Variants in SH3BP4 observed in about 807,000 individuals in gnomAD.
SH3BP4 encodes the protein SH3 domain-binding protein 4.
In SH3BP4, 33 loss-of-function variants were observed where a neutral mutation model predicts 65.5. That is an observed-to-expected ratio of 0.50 (90% CI 0.38 to 0.67). The LOEUF (loss-of-function observed/expected upper bound fraction) is 0.67, where lower values mean the gene tolerates loss of function less well. SH3BP4 is among the 30% of genes least tolerant of loss of function. The pLI, the probability that SH3BP4 is intolerant of heterozygous loss-of-function variation, is 0.00. For missense variants in SH3BP4, 1,134 were observed against 1,261.4 expected, an observed-to-expected ratio of 0.90 and a Z score of 1.53; for synonymous variants, 552 against 545.5, an observed-to-expected ratio of 1.01 and a Z score of -0.17.
chr2:235,049,098 T>C (rs769707983), intron 4 of SH3BP4, among the ~76,000 whole-genome samples: 3 of 152,146 alleles, frequency 2.0e-5, no homozygotes, highest in Non-Finnish European at 4.4e-5. Flanking sequence ...TCAGTAAAAG[T>C]TGTGTAAGTG....
intron 2 of SH3BP4, among the ~76,000 whole-genome samples, chr2:235,014,703 A>G (rs1450708390): frequency 6.6e-6 from 1 of 151,396 alleles, no homozygotes; most frequent in Non-Finnish European, 1.5e-5. Context: ...TCTTCACATC[A>G]CCTTTCCTTG....
chr2:234,984,191 A>G (rs762257826), intron 1 of SH3BP4, among the ~76,000 whole-genome samples: 1 of 150,866 alleles, frequency 6.6e-6, no homozygotes, highest in Admixed American at 6.6e-5. Flanking sequence ...ATACACGTGT[A>G]TGAGTTTTCG....
chr2:235,022,853 C>T (rs1694885896), intron 2 of SH3BP4, among the ~76,000 whole-genome samples: 1 of 152,124 alleles, frequency 6.6e-6, no homozygotes, highest in Non-Finnish European at 1.5e-5. Context: ...AAAAATGTGG[C>T]AGTCTTGCTG....
At chr2:235,009,715 C>T (rs947377434) in intron 2 of SH3BP4, among the ~76,000 whole-genome samples, 2 of 152,130 alleles carry the variant, frequency 1.3e-5, no homozygotes, top group Non-Finnish European at 2.9e-5. Context: ...TATTCCAGAT[C>T]TAATCAAGAT....
In SH3BP4 at chr2:234,974,939, T is replaced by C. The variant is rs1208043375; in HGVS notation, c.-206-20364T>C. Among the ~76,000 whole-genome samples, 1 of 152,120 alleles carries C rather than the reference T, an allele frequency of 6.6e-6. No individual in the cohort carries two copies. The highest frequency in any genetic ancestry group is 2.4e-5 in the African/African-American group (1 of 41,424). ...ATGGGGATCATAATAAAACTTAGCCTGATTAGAGGCATGTGGGAAGCATGC... is the reference window on the plus strand; with the variant it reads ...ATGGGGATCATAATAAAACTTAGCCCGATTAGAGGCATGTGGGAAGCATGC... On this transcript the variant is annotated intron_variant, in intron 1 of 5. Coordinates refer to ENST00000392011, the MANE Select transcript of SH3BP4 (RefSeq NM_014521.3). The surrounding 1 kb of genome is among the most constrained non-coding windows in gnomAD (Gnocchi z 4.6).
intron 1 of SH3BP4, among the ~76,000 whole-genome samples, chr2:234,985,616 G>C (rs184681109): frequency 2.0e-5 from 3 of 152,150 alleles, no homozygotes; most frequent in African/African-American, 7.2e-5. Flanking sequence ...GACCCTCTGC[G>C]CACAGATATT....
intron 1 of SH3BP4, among the ~76,000 whole-genome samples, chr2:234,969,886 G>A (rs1160552299): frequency 6.6e-6 from 1 of 150,548 alleles, no homozygotes; most frequent in Non-Finnish European, 1.5e-5. Flanking sequence ...CACTCTCGCT[G>A]TCTCTCACAC....
At chr2:235,023,596 C>T (rs1694908770) in intron 2 of SH3BP4, among the ~76,000 whole-genome samples, 1 of 151,830 alleles carries the variant, frequency 6.6e-6, no homozygotes, top group Non-Finnish European at 1.5e-5. Context: ...TTATAAAAAG[C>T]GTTTTTGATT....
At chr2:235,047,458 AG>A (rs1454220948) in intron 4 of SH3BP4, among the ~76,000 whole-genome samples, 10 of 152,162 alleles carry the variant, frequency 6.6e-5, no homozygotes, top group Admixed American at 6.5e-4. Flanking sequence ...GGCAAAGAGG[AG>A]GGGCAGCGTC....
At chr2:235,003,402 A>G (rs752797758) in intron 2 of SH3BP4, among the ~76,000 whole-genome samples, 14 of 152,254 alleles carry the variant, frequency 9.2e-5, no homozygotes, top group Non-Finnish European at 1.8e-4. Context: ...GATACTTTGG[A>G]GGTGCAGATA....
intron 2 of SH3BP4, among the ~76,000 whole-genome samples, chr2:235,000,251 A>C (rs1694055689): frequency 6.6e-6 from 1 of 152,120 alleles, no homozygotes; most frequent in Admixed American, 6.5e-5. Flanking sequence ...TATCACGTTA[A>C]GCAAGTCCTG....
At chr2:235,022,257 A>T (rs1694865816) in intron 2 of SH3BP4, among the ~76,000 whole-genome samples, 1 of 152,178 alleles carries the variant, frequency 6.6e-6, no homozygotes, top group Non-Finnish European at 1.5e-5. Flanking sequence ...AGGACATAAG[A>T]AGTAGTTGCT....
At chr2:235,049,546 G>C (rs1227970803) in intron 4 of SH3BP4, among the ~76,000 whole-genome samples, 1 of 152,094 alleles carries the variant, frequency 6.6e-6, no homozygotes, top group Non-Finnish European at 1.5e-5. Flanking sequence ...AGAAAATTAG[G>C]ATCTGACAGC....
Position 235,041,960 on chromosome 2 carries a change from G to A in SH3BP4, c.1191G>A (p.Val397=). The change falls in exon 4 of 6, where the codon GTG becomes GTA. Residue 397 remains valine, a synonymous_variant. Transcript: ENST00000392011. This position sits in a 1 kb window ranked among gnomAD's most constrained non-coding sequence, Gnocchi z 6.0. ...CCTCTATCATCTTGGAGATGAAAGT[G>A]TCAGCCGAGATAAAAAATGACCTTT... is the stretch of plus-strand genomic sequence containing the variant. The part of the protein sequence containing the change: ...VKTSIILEMK[V]SAEIKNDLFS... 6.2e-7 allele frequency: 1 copy of A among 1,613,516 alleles called. No individual in the cohort carries two copies. The highest frequency in any genetic ancestry group is 8.5e-7 in the Non-Finnish European group (1 of 1,179,608).
chr2:235,048,826 A>G (rs905219223), intron 4 of SH3BP4, among the ~76,000 whole-genome samples: 1 of 152,242 alleles, frequency 6.6e-6, no homozygotes, highest in African/African-American at 2.4e-5. Flanking sequence ...CCCTGACTGA[A>G]ATCATGGTGT....
intron 4 of SH3BP4, among the ~76,000 whole-genome samples, chr2:235,050,353 G>A (rs1438497892): frequency 1.3e-5 from 2 of 152,034 alleles, no homozygotes; most frequent in African/African-American, 2.4e-5. Context: ...TCCTGACCTC[G>A]TGATCCACCT....
chr2:234,978,020 A>G lies in SH3BP4; in HGVS notation c.-206-17283A>G, dbSNP rs939035316. The stretch of plus-strand genomic sequence containing the variant: ...GGCCAGGCTGGAGTGCAGTGGCGCC[A>G]TCTCTGCTCACTGCAACCTCTGCCT... On this transcript the variant is annotated intron_variant, in intron 1 of 5. Transcript: ENST00000392011. The surrounding 1 kb of genome is among the most constrained non-coding windows in gnomAD (Gnocchi z 4.1). Among the ~76,000 whole-genome samples the G allele has an allele frequency of 2.6e-5, 4 of 152,074 alleles. No homozygotes were observed. The highest frequency in any genetic ancestry group is 5.9e-5 in the Non-Finnish European group (4 of 68,032).
intron 2 of SH3BP4, among the ~76,000 whole-genome samples, chr2:235,010,170 AC>A (rs1260817975): frequency 6.6e-6 from 1 of 151,760 alleles, no homozygotes; most frequent in Non-Finnish European, 1.5e-5. Flanking sequence ...TATGGCTCCC[AC>A]CCCAGGTTTT....
chr2:234,981,871 A>G (rs1310666469), intron 1 of SH3BP4: 1 of 152,116 alleles, frequency 6.6e-6, no homozygotes, highest in Non-Finnish European at 1.5e-5. Context: ...TTTATTCTAG[A>G]AAACAGCTCT....
Sources: allele counts gnomAD v4.1 joint callset (sites outside exome capture counted in the v4.1 genomes callset), GRCh38; gene constraint gnomAD v4.1.1; non-coding constraint Gnocchi (gnomAD v3.1); transcripts MANE v1.5; gene names NCBI Gene and HGNC (gene_info 2026-07-23, HGNC 2026-07-21).